AFAP1L1: variants seen among roughly 807,000 people sequenced by gnomAD.
The protein encoded by AFAP1L1 is actin filament associated protein 1 like 1, also known as actin filament-associated protein 1-like 1.
AFAP1L1 carries 77 observed loss-of-function variants against 99.8 expected under a neutral mutation model. That is an observed-to-expected ratio of 0.77 (90% CI 0.64 to 0.93). AFAP1L1 has a LOEUF of 0.93. Among genes scored for constraint, AFAP1L1 ranks in the 40% least tolerant of loss-of-function variants. The pLI is 0.00. For missense variants in AFAP1L1, 893 were observed against 996.8 expected (o/e 0.90, Z 1.40); for synonymous variants, 373 against 395.3 (o/e 0.94, Z 0.67).
At chr5:149,319,851 T>C in intron 13 of AFAP1L1, 124 bp downstream of exon 13, 2 of 1,374,374 alleles carry the variant, frequency 1.5e-6, no homozygotes, top group South Asian at 2.6e-5. Context: ...TCCGCTTCCT[T>C]GGTAAGCTGG....
At chr5:149,314,100 C>T (rs1243263789) in intron 9 of AFAP1L1, among the ~76,000 whole-genome samples, 1 of 152,136 alleles carries the variant, frequency 6.6e-6, no homozygotes, top group African/African-American at 2.4e-5. Flanking sequence ...TTCACTGAGG[C>T]AGAGGTGGGC....
chr5:149,316,351 G>T, intron 11 of AFAP1L1, 48 bp downstream of exon 11: 1 of 1,581,760 alleles, frequency 6.3e-7, no homozygotes. Flanking sequence ...CTGTGTGCGC[G>T]GGCTTTGGGG....
chr5:149,272,562 A>G (rs1755160684), intron 1 of AFAP1L1, among the ~76,000 whole-genome samples: 1 of 152,184 alleles, frequency 6.6e-6, no homozygotes, highest in Admixed American at 6.5e-5. Flanking sequence ...GTTGGACTAG[A>G]TGGTCTCCAA....
intron 1 of AFAP1L1, among the ~76,000 whole-genome samples, chr5:149,279,810 C>G (rs1312443385): frequency 6.6e-6 from 1 of 152,196 alleles, no homozygotes; most frequent in South Asian, 2.1e-4. Flanking sequence ...TCACCTGGTT[C>G]ACCCTTGCTC....
At chr5:149,303,294 A>G (rs1581313463) in intron 5 of AFAP1L1, among the ~76,000 whole-genome samples, 1 of 152,310 alleles carries the variant, frequency 6.6e-6, no homozygotes, top group East Asian at 1.9e-4. Context: ...GTTACCATTG[A>G]AAATCCCTTA....
chr5:149,307,390 T>C lies in AFAP1L1; in HGVS notation c.536-12T>C. The C allele has an allele frequency of 6.2e-7, 1 of 1,613,874 alleles. No homozygotes were observed. Among genetic ancestry groups the C allele is most frequent in the Non-Finnish European group, 8.5e-7 (1 of 1,179,852 alleles). ...TGGCACAGTGATGGATCCTTTCCCG[T>C]GACGCCTGCAGATAATGACTCTGAC... On this transcript the variant is annotated splice_polypyrimidine_tract_variant and intron_variant, in intron 6 of 18. Coordinates refer to ENST00000296721, the MANE Select transcript of AFAP1L1 (RefSeq NM_152406.4).
chr5:149,310,767 A>G (rs1756605350), intron 8 of AFAP1L1, among the ~76,000 whole-genome samples: 1 of 152,222 alleles, frequency 6.6e-6, no homozygotes, highest in Non-Finnish European at 1.5e-5. Context: ...GGTGGGAGCC[A>G]GAATTTGAAG....
At chr5:149,302,051 A>G (rs997454398) in intron 4 of AFAP1L1, among the ~76,000 whole-genome samples, 1 of 152,236 alleles carries the variant, frequency 6.6e-6, no homozygotes, top group African/African-American at 2.4e-5. Flanking sequence ...CTCACTAAAG[A>G]ACAGGCCTCA....
intron 1 of AFAP1L1, among the ~76,000 whole-genome samples, chr5:149,272,245 G>T (rs1049435190): frequency 8.5e-5 from 13 of 152,360 alleles, no homozygotes; most frequent in Admixed American, 8.5e-4. Flanking sequence ...CTAACGATTT[G>T]TAACTTCATA....
chr5:149,335,802 TC>T (rs1482324020), intron 18 of AFAP1L1, 80 bp downstream of exon 18: 3 of 1,555,990 alleles, frequency 1.9e-6, no homozygotes, highest in Non-Finnish European at 2.6e-6. Context: ...AACCAAAAAA[TC>T]AACTAGTGAG....
rs372488044 is a variant in AFAP1L1 at position 149,332,881 on chromosome 5, C to T, written c.2154+8C>T. The T allele has an allele frequency of 2.6e-5, 40 of 1,562,812 alleles. No homozygotes were observed. The African/African-American group carries it at 5.3e-4, about 21-fold the overall frequency. On this transcript the variant is annotated splice_region_variant and intron_variant, in intron 17 of 18. Transcript: ENST00000296721. ...AGCAAGCCCAAGAGTGGGGTGAGTCCAGGCCCTTCCATGCCAGGGGCAGCT... is the reference window on the plus strand; with the variant it reads ...AGCAAGCCCAAGAGTGGGGTGAGTCTAGGCCCTTCCATGCCAGGGGCAGCT...
intron 4 of AFAP1L1, 45 bp downstream of exon 4, chr5:149,301,275 C>G: frequency 6.4e-7 from 1 of 1,573,356 alleles, no homozygotes; most frequent in South Asian, 1.1e-5. Flanking sequence ...CTCTGTCCCT[C>G]TGGAGGAGGC....
chr5:149,299,537 C>A lies in AFAP1L1; in HGVS notation c.45C>A (p.Thr15=). 1 of 1,614,140 alleles carries A rather than the reference C, an allele frequency of 6.2e-7. No individual in the cohort carries two copies. Among genetic ancestry groups the A allele is most frequent in the Non-Finnish European group, 8.5e-7 (1 of 1,180,004 alleles). The change falls in exon 2 of 19, where the codon ACC becomes ACA. Residue 15 remains threonine, a synonymous_variant. Coordinates refer to ENST00000296721, the MANE Select transcript of AFAP1L1 (RefSeq NM_152406.4). The part of the protein sequence containing the change: ...QVLEQLLPEL[T]GLLSLLDHEY... ...TGGAGCAGCTGCTCCCAGAGCTCAC[C>A]GGGCTGCTCAGCCTCCTGGACCACG...
Position 149,300,258 on chromosome 5 carries a change from T to G in AFAP1L1, c.146-13T>G. On this transcript the variant is annotated splice_polypyrimidine_tract_variant and intron_variant, in intron 2 of 18. Transcript: ENST00000296721. The stretch of plus-strand genomic sequence containing the variant: ...CTCCTTCACAGCTGGCATGTCCCCC[T>G]TCTTCCTCACAGCAAAGGAGGTCTC... The G allele has an allele frequency of 1.9e-6, 3 of 1,606,954 alleles. No homozygotes were observed. Among genetic ancestry groups the G allele is most frequent in the Non-Finnish European group, 2.6e-6 (3 of 1,175,638 alleles).
chr5:149,299,672 C>T, intron 2 of AFAP1L1, 35 bp downstream of exon 2: 1 of 1,613,294 alleles, frequency 6.2e-7, no homozygotes, highest in Non-Finnish European at 8.5e-7. Context: ...AGGAGCTCCA[C>T]TTATGTAGGA....
chr5:149,278,570 G>T (rs1755414947), intron 1 of AFAP1L1, among the ~76,000 whole-genome samples: 2 of 152,256 alleles, frequency 1.3e-5, no homozygotes, highest in Non-Finnish European at 2.9e-5. Flanking sequence ...CCTTCTCCCT[G>T]CCCCATCCCA....
At chr5:149,313,218 C>T (rs191239737) in intron 9 of AFAP1L1, among the ~76,000 whole-genome samples, 1 of 152,056 alleles carries the variant, frequency 6.6e-6, no homozygotes, top group East Asian at 1.9e-4. Flanking sequence ...AAATATGTCC[C>T]AGTACCTACA....
intron 5 of AFAP1L1, among the ~76,000 whole-genome samples, chr5:149,303,172 TA>T (rs562423935): frequency 2.6e-5 from 4 of 151,880 alleles, no homozygotes; most frequent in African/African-American, 4.8e-5. Flanking sequence ...AGCATATTTG[TA>T]AAAAAAAGTT....
intron 1 of AFAP1L1, among the ~76,000 whole-genome samples, chr5:149,285,791 C>T (rs1287326546): frequency 6.6e-6 from 1 of 152,200 alleles, no homozygotes; most frequent in Non-Finnish European, 1.5e-5. Context: ...ATCTGCTCCA[C>T]CCCTTCTCTT....
Sources: allele counts gnomAD v4.1 joint callset (sites outside exome capture counted in the v4.1 genomes callset), GRCh38; gene constraint gnomAD v4.1.1; transcripts MANE v1.5; gene names NCBI Gene and HGNC (gene_info 2026-07-23, HGNC 2026-07-21).